Variants in MCCC1 observed in about 807,000 individuals in gnomAD.
The protein encoded by MCCC1 is methylcrotonoyl-CoA carboxylase subunit alpha, mitochondrial.
A neutral mutation model predicts 83.8 loss-of-function variants in MCCC1; 64 were observed. The ratio of observed to expected loss-of-function variants is 0.76; its 90% CI spans 0.62 to 0.94. The LOEUF is 0.94. MCCC1 is among the 40% of genes least tolerant of loss of function. The pLI is 0.00. For missense variants in MCCC1, 807 were observed against 904.7 expected (o/e 0.89, Z 1.39); for synonymous variants, 322 against 315.4 (o/e 1.02, Z -0.22).
At chr3:183,108,228 A>G (rs1457614225) in intron 1 of MCCC1, among the ~76,000 whole-genome samples, 1 of 152,210 alleles carries the variant, frequency 6.6e-6, no homozygotes, top group Admixed American at 6.5e-5. Context: ...GGAAATATCC[A>G]AACTGTGGCC....
intron 1 of MCCC1, among the ~76,000 whole-genome samples, chr3:183,098,106 T>G (rs756652872): frequency 1.3e-5 from 2 of 152,246 alleles, no homozygotes; most frequent in Non-Finnish European, 2.9e-5. Context: ...TTTTTTGTAT[T>G]TTTTAGTACA....
At chr3:183,018,010 T>C (rs1189408815) in intron 17 of MCCC1, among the ~76,000 whole-genome samples, 57 of 105,418 alleles carry the variant, frequency 5.4e-4, no homozygotes, top group South Asian at 6.0e-4. Context: ...GGCCTACAGG[T>C]CAAATGCACT....
chr3:183,038,773 T>C (rs956487115), intron 12 of MCCC1, among the ~76,000 whole-genome samples: 6 of 152,206 alleles, frequency 3.9e-5, no homozygotes, highest in Admixed American at 1.3e-4. Context: ...ACAGAGTGAA[T>C]AGGATTTCAC....
chr3:183,056,770 TGCAACCTCC>T (rs1715451062), intron 8 of MCCC1, among the ~76,000 whole-genome samples: 1 of 152,198 alleles, frequency 6.6e-6, no homozygotes, highest in Non-Finnish European at 1.5e-5. Context: ...CTCGGCTCAC[TGCAACCTCC>T]GCCTCCCAGG....
At chr3:183,029,771 G>A (rs1712898338) in intron 14 of MCCC1, among the ~76,000 whole-genome samples, 1 of 151,962 alleles carries the variant, frequency 6.6e-6, no homozygotes. Context: ...CCTATCCTAT[G>A]CATCTCTTCC....
chr3:183,034,770 T>C (rs1713420399), intron 13 of MCCC1, among the ~76,000 whole-genome samples: 1 of 142,314 alleles, frequency 7.0e-6, no homozygotes, highest in Admixed American at 7.4e-5. Flanking sequence ...GCCCAGCCCT[T>C]ATAGGCCTTT....
chr3:183,050,846 A>G (rs1449996474), intron 9 of MCCC1, among the ~76,000 whole-genome samples: 1 of 152,202 alleles, frequency 6.6e-6, no homozygotes, highest in African/African-American at 2.4e-5. Context: ...CAATAGGAAA[A>G]CAAACAACCT....
intron 17 of MCCC1, among the ~76,000 whole-genome samples, chr3:183,018,869 C>T (rs1711913997): frequency 6.6e-6 from 1 of 152,178 alleles, no homozygotes; most frequent in Non-Finnish European, 1.5e-5. Context: ...GCAACAGAAT[C>T]AAACTTATTA....
At chr3:183,045,918 T>C (rs1030795966) in intron 9 of MCCC1, among the ~76,000 whole-genome samples, 2 of 152,178 alleles carry the variant, frequency 1.3e-5, no homozygotes, top group African/African-American at 4.8e-5. Context: ...AGAAAACTTT[T>C]TTTTCCCTGA....
upstream of MCCC1, among the ~76,000 whole-genome samples, chr3:183,103,554 A>G (rs1443742290): frequency 1.3e-5 from 2 of 152,140 alleles, no homozygotes; most frequent in African/African-American, 2.4e-5. Flanking sequence ...CAATTGGTGC[A>G]TTCACAAACC....
intron 16 of MCCC1, among the ~76,000 whole-genome samples, chr3:183,021,863 C>T (rs902448395): frequency 3.9e-5 from 6 of 152,154 alleles, no homozygotes; most frequent in Non-Finnish European, 7.4e-5. Context: ...CTGCCCAGGC[C>T]GAAGGTTAAG....
At chr3:183,092,245 G>T (rs140919940) in intron 3 of MCCC1, 164 bp downstream of exon 3, 2 of 781,254 alleles carry the variant, frequency 2.6e-6, no homozygotes, top group Admixed American at 4.4e-5. Flanking sequence ...TTCAACTGAT[G>T]TTATATCTGA....
chr3:183,107,666 C>T (rs1381007946), intron 1 of MCCC1, among the ~76,000 whole-genome samples: 1 of 151,840 alleles, frequency 6.6e-6, no homozygotes, highest in East Asian at 1.9e-4. Context: ...CCTCAGCCTC[C>T]CAAGTAGCTG....
chr3:183,055,656 G>A (rs1396776997), intron 8 of MCCC1, among the ~76,000 whole-genome samples: 1 of 152,158 alleles, frequency 6.6e-6, no homozygotes, highest in Admixed American at 6.6e-5. Flanking sequence ...AAGTGCTTGG[G>A]AGGCTGAGGT....
At chr3:183,028,822 T>C (rs1712816272) in intron 14 of MCCC1, among the ~76,000 whole-genome samples, 1 of 152,220 alleles carries the variant, frequency 6.6e-6, no homozygotes, top group Non-Finnish European at 1.5e-5. Flanking sequence ...TATCTCATTT[T>C]ATGAAAACTG....
chr3:183,097,980 T>C (rs1457922620), intron 1 of MCCC1, among the ~76,000 whole-genome samples: 2 of 152,212 alleles, frequency 1.3e-5, no homozygotes, highest in Admixed American at 6.5e-5. Context: ...AGTGGCGTGA[T>C]CTTAGCTCAC....
At chr3:183,035,703 T>G (rs1237828425) in intron 13 of MCCC1, among the ~76,000 whole-genome samples, 1 of 152,074 alleles carries the variant, frequency 6.6e-6, no homozygotes, top group African/African-American at 2.4e-5. Flanking sequence ...GGTAATATAA[T>G]AATTACCAAT....
At position 183,041,589 on chromosome 3, in the gene MCCC1, C is replaced by T. The variant is rs1411561436; in HGVS notation, c.1245G>A (p.Arg415=). The T allele has an allele frequency of 6.2e-7, 1 of 1,614,064 alleles. No homozygotes were observed. The highest frequency in any genetic ancestry group is 8.5e-7 in the Non-Finnish European group (1 of 1,179,944). ...LSTPRADPST[R]IETGVRQGDE... The stretch of plus-strand genomic sequence containing the variant: ...TACCTTGCCGTACTCCAGTTTCAAT[C>T]CTGGTGGAAGGGTCTGCTCGAGGAG... Residue 415 remains arginine (R), a synonymous_variant, in exon 11 of 19, where the codon AGG becomes AGA. Coordinates refer to ENST00000265594, the MANE Select transcript of MCCC1 (RefSeq NM_020166.5).
chr3:183,103,535 A>G (rs1448437286), upstream of MCCC1, among the ~76,000 whole-genome samples: 1 of 152,124 alleles, frequency 6.6e-6, no homozygotes, highest in Non-Finnish European at 1.5e-5. Flanking sequence ...GCAGCTAGAT[A>G]CAGAGTGTCA....
Sources: gnomAD v4.1 joint callset for allele counts (sites outside exome capture counted in the v4.1 genomes callset) on GRCh38, gnomAD v4.1.1 for gene constraint, MANE v1.5 for transcripts, NCBI Gene and HGNC (gene_info 2026-07-23, HGNC 2026-07-21) for gene names.